The following ADAMTSL3 variants were observed in gnomAD, a reference collection of about 807,000 sequenced individuals.
The protein encoded by ADAMTSL3 is ADAMTS-like protein 3.
In ADAMTSL3, 128 loss-of-function variants were observed where a neutral mutation model predicts 201.7. That is an observed-to-expected ratio of 0.63 (90% CI 0.55 to 0.73). The LOEUF (loss-of-function observed/expected upper bound fraction) is 0.73, where lower values mean the gene tolerates loss of function less well. Ranked by LOEUF, ADAMTSL3 falls within the 30% of genes least tolerant of loss-of-function variation. ADAMTSL3 has a pLI of 0.00. For missense variants in ADAMTSL3, 1,990 were observed against 2,119.6 expected (o/e 0.94, Z 1.20); for synonymous variants, 738 against 748.4 (o/e 0.99, Z 0.23).
chr15:84,014,423 A>G, intron 23 of ADAMTSL3, 119 bp from the exon 24 acceptor site: 3 of 897,910 alleles, frequency 3.3e-6, no homozygotes, highest in Non-Finnish European at 5.2e-6. Flanking sequence ...TTTTCCTATT[A>G]TATATGATTA....
At chr15:83,774,810 C>A (rs990571564) in intron 4 of ADAMTSL3, among the ~76,000 whole-genome samples, 1 of 150,710 alleles carries the variant, frequency 6.6e-6, no homozygotes, top group Non-Finnish European at 1.5e-5. Context: ...GCCAAGGAGG[C>A]TGCAATAGGA....
chr15:83,811,084 A>G (rs1005421825), intron 5 of ADAMTSL3, among the ~76,000 whole-genome samples: 7 of 152,142 alleles, frequency 4.6e-5, no homozygotes, highest in Admixed American at 4.6e-4. Context: ...ACAGCTGGGC[A>G]TTGTTCTCCC....
At chr15:83,982,207 C>CA in intron 20 of ADAMTSL3, 66 bp from the exon 21 acceptor site, 1 of 1,309,616 alleles carries the variant, frequency 7.6e-7, no homozygotes, top group Non-Finnish European at 1.0e-6. Context: ...AGATTACTGT[C>CA]AAAAAGTCTG....
chr15:83,685,653 A>C (rs1239303171), intron 2 of ADAMTSL3, among the ~76,000 whole-genome samples: 1 of 152,180 alleles, frequency 6.6e-6, no homozygotes, highest in African/African-American at 2.4e-5. Context: ...GAAATGAATG[A>C]GTTTTCCAAT....
At chr15:83,708,797 C>G (rs921433388) in intron 3 of ADAMTSL3, among the ~76,000 whole-genome samples, 2 of 152,192 alleles carry the variant, frequency 1.3e-5, no homozygotes, top group African/African-American at 4.8e-5. Flanking sequence ...GTCTTGCCAG[C>G]AATTCGGTAA....
chr15:83,787,446 A>C (rs1170488502), intron 4 of ADAMTSL3, among the ~76,000 whole-genome samples: 1 of 152,212 alleles, frequency 6.6e-6, no homozygotes, highest in Non-Finnish European at 1.5e-5. Flanking sequence ...TGGGATAGGT[A>C]AGGATGGGTA....
chr15:83,732,282 G>A (rs1048346537), intron 3 of ADAMTSL3, among the ~76,000 whole-genome samples: 1 of 152,034 alleles, frequency 6.6e-6, no homozygotes, highest in Admixed American at 6.6e-5. Flanking sequence ...AGACTGTAAT[G>A]TGTGTTTTCC....
In ADAMTSL3 at chr15:83,874,763, G is replaced by C. The variant is rs1463962598; in HGVS notation, c.960+3804G>C. ...GTGTCGAGGGACTAGGGGAAAGATAGTGTGCTCACTGGCAGCAATTAGGGC... is the reference window on the plus strand; with the variant it reads ...GTGTCGAGGGACTAGGGGAAAGATACTGTGCTCACTGGCAGCAATTAGGGC... On this transcript the variant is annotated intron_variant, in intron 9 of 29. Coordinates refer to ENST00000286744, the MANE Select transcript of ADAMTSL3 (RefSeq NM_207517.3). Among the ~76,000 whole-genome samples the C allele has an allele frequency of 2.1e-5, 3 of 143,248 alleles. 1 individual carries two copies. The highest frequency in any genetic ancestry group is 4.5e-5 in the Non-Finnish European group (3 of 66,174). The allele number at this position is 143,248 out of a possible 152,430, so 94.0% of individuals were successfully genotyped here. A position where few individuals can be genotyped will look rare whatever the true frequency, so the allele number is the denominator to read the frequency against.
intron 5 of ADAMTSL3, among the ~76,000 whole-genome samples, chr15:83,812,285 C>T (rs961683471): frequency 7.2e-5 from 11 of 152,182 alleles, no homozygotes; most frequent in African/African-American, 2.4e-4. Context: ...CCTGCTGTTA[C>T]TTCTCACTGC....
intron 9 of ADAMTSL3, among the ~76,000 whole-genome samples, chr15:83,884,817 A>C (rs2065354886): frequency 6.6e-6 from 1 of 152,222 alleles, no homozygotes; most frequent in South Asian, 2.1e-4. Context: ...TGAAACGAAC[A>C]AACAAAAAAG....
intron 15 of ADAMTSL3, among the ~76,000 whole-genome samples, chr15:83,903,966 A>AGGG (rs2065786160): frequency 3.8e-5 from 4 of 104,798 alleles, no homozygotes; most frequent in South Asian, 3.2e-4. Context: ...GAAAGAAAGA[A>AGGG]AGAAAAGGAG....
chr15:83,658,271 G>T lies in ADAMTSL3; in HGVS notation c.69+2441G>T, dbSNP rs116563050. 4.1e-3 allele frequency among the ~76,000 whole-genome samples: 618 copies of T among 152,198 alleles called. 5 individuals are homozygous for T. The highest frequency in any genetic ancestry group is 0.014 in the African/African-American group (599 of 41,526). On this transcript the variant is annotated intron_variant, in intron 2 of 29. Transcript: ENST00000286744. ...CTACAGGCGCACACTACCACATCCA[G>T]CTAATTTTTGTATTATCGGTAGAGA...
intron 9 of ADAMTSL3, among the ~76,000 whole-genome samples, chr15:83,878,005 T>G (rs1454317311): frequency 2.6e-5 from 4 of 152,228 alleles, no homozygotes; most frequent in Non-Finnish European, 5.9e-5. Context: ...CTGCAAATAA[T>G]GAAGATGGCA....
At chr15:83,842,048 C>CCCCATCCCCCTTCTGCCTT (rs2064390312) in intron 7 of ADAMTSL3, among the ~76,000 whole-genome samples, 1 of 151,360 alleles carries the variant, frequency 6.6e-6, no homozygotes, top group African/African-American at 2.4e-5. Context: ...CCTTCTGCCT[C>CCCCATCCCCCTTCTGCCTT]CCCATCCCCC....
At chr15:83,954,262 ACC>A (rs1315018535) in intron 19 of ADAMTSL3, among the ~76,000 whole-genome samples, 2 of 152,016 alleles carry the variant, frequency 1.3e-5, no homozygotes, top group African/African-American at 4.8e-5. Context: ...ATTTTAAAAT[ACC>A]CTGTTTTCAG....
At chr15:83,761,828 C>G (rs1203007735) in intron 3 of ADAMTSL3, among the ~76,000 whole-genome samples, 1 of 152,144 alleles carries the variant, frequency 6.6e-6, no homozygotes, top group African/African-American at 2.4e-5. Flanking sequence ...TTGCTACAAT[C>G]TGAGAGGACC....
At chr15:83,771,977 C>T (rs550445026) in intron 3 of ADAMTSL3, among the ~76,000 whole-genome samples, 48 of 152,226 alleles carry the variant, frequency 3.2e-4, no homozygotes, top group African/African-American at 8.4e-4. Flanking sequence ...CTCAGCCTCC[C>T]GAGTACCTGG....
intron 19 of ADAMTSL3, among the ~76,000 whole-genome samples, chr15:83,949,619 TC>T (rs1596457164): frequency 2.6e-5 from 4 of 152,128 alleles, no homozygotes; most frequent in Admixed American, 2.6e-4. Flanking sequence ...TAATTAACAT[TC>T]CCACCAACAA....
chr15:83,664,326 C>G (rs975922976), intron 2 of ADAMTSL3, among the ~76,000 whole-genome samples: 1 of 151,668 alleles, frequency 6.6e-6, no homozygotes, highest in African/African-American at 2.4e-5. Flanking sequence ...CTCAGCACCT[C>G]AGAGGGGCTT....
Sources: allele counts gnomAD v4.1 joint callset (sites outside exome capture counted in the v4.1 genomes callset), GRCh38; gene constraint gnomAD v4.1.1; transcripts MANE v1.5; gene names NCBI Gene and HGNC (gene_info 2026-07-23, HGNC 2026-07-21).